The following LRRC57 variants were observed in gnomAD, a reference collection of about 807,000 sequenced individuals.
The protein encoded by LRRC57 is leucine-rich repeat-containing protein 57.
A neutral mutation model predicts 23.1 loss-of-function variants in LRRC57; 14 were observed. The observed-to-expected ratio is 0.61, with a 90% CI of 0.40 to 0.95. The LOEUF is 0.95. Among genes scored for constraint, LRRC57 ranks in the 40% least tolerant of loss-of-function variants. The pLI, the probability that LRRC57 is intolerant of heterozygous loss-of-function variation, is 0.00. For synonymous variants in LRRC57, 106 were observed against 115.2 expected (o/e 0.92, Z 0.51); for missense variants, 236 against 284.4 (o/e 0.83, Z 1.22).
At chr15:42,529,942 T>C in the LRRC57 span, 1 of 1,016,580 alleles carries the variant, frequency 9.8e-7, no homozygotes, top group East Asian at 2.5e-5. Flanking sequence ...AGGTCTTAAT[T>C]CTGATGAGGT....
At chr15:42,533,040 A>G (rs1160017688), downstream of LRRC57, 2 of 152,680 alleles carry the variant, frequency 1.3e-5, no homozygotes, top group African/African-American at 4.8e-5. Context: ...GATCCTTACA[A>G]TTAAATTTTT....
chr15:42,547,272 T>G lies in LRRC57; in HGVS notation c.481A>C (p.Asn161His), dbSNP rs1230580794. The part of the protein sequence containing the change: ...GELQVIELNL[N>H]QNQISQISVK... ...TTAAAGCTCTAGACCTGATTCTGGTTGAGGTTGAGTTCGATGACTTGCAGC... is the reference window on the plus strand; with the variant it reads ...TTAAAGCTCTAGACCTGATTCTGGTGGAGGTTGAGTTCGATGACTTGCAGC... The change falls in exon 4 of 6, where the codon AAC (asparagine) becomes CAC (histidine). Residue 161 changes from asparagine (N) to histidine (H), a missense_variant. By Grantham distance (68) the Asn-to-His change is moderately conservative (BLOSUM62 1). Coordinates refer to ENST00000397130, the MANE Select transcript of LRRC57 (RefSeq NM_153260.3). 1 of 1,613,908 alleles carries G rather than the reference T, an allele frequency of 6.2e-7. No homozygotes were observed. Among genetic ancestry groups the G allele is most frequent in the Non-Finnish European group, 8.5e-7 (1 of 1,179,966 alleles).
chr15:42,547,369 A>G lies in LRRC57; in HGVS notation c.384T>C (p.Cys128=), dbSNP rs1273754115. Residue 128 remains cysteine (C), a synonymous_variant, in exon 4 of 6, where the codon TGT becomes TGC. Coordinates refer to ENST00000397130, the MANE Select transcript of LRRC57 (RefSeq NM_153260.3). ...NQLGALPPQL[C]SLRHLDVMDL... is the part of the protein sequence containing the mutation. Reference sequence around the variant, plus strand: ...CCATCACATCCAGGTGCCGTAGGCTACAAAGTTGGGGAGGTAATGCTCCCA... The same window carrying G: ...CCATCACATCCAGGTGCCGTAGGCTGCAAAGTTGGGGAGGTAATGCTCCCA... 4 of 1,614,198 alleles carry G rather than the reference A, an allele frequency of 2.5e-6. No individual in the cohort carries two copies. The African/African-American group carries it at 5.3e-5, about 22-fold the overall frequency.
At chr15:42,537,233 T>TCACACACACA (rs71108166), downstream of LRRC57, among the ~76,000 whole-genome samples, 50 of 136,492 alleles carry the variant, frequency 3.7e-4, no homozygotes, top group African/African-American at 4.8e-4. Flanking sequence ...TCTCTCTCTC[T>TCACACACACA]CACACACACA....
rs543801186 is a variant in LRRC57 at position 42,542,745 on chromosome 15, A to C, written c.*1338T>G. 7.2e-5 allele frequency: 11 copies of C among 152,776 alleles called. No homozygotes were observed. In the East Asian group the frequency reaches 1.9e-3, roughly 27 times the overall value. 9.5% of individuals were successfully genotyped at this position (152,776 alleles called of 1,614,324 possible). On this transcript the variant is annotated 3_prime_UTR_variant, in exon 6 of 6. Transcript: ENST00000397130. ...GTCCCTTTTATCTTACAAGTGTTGC[A>C]TATACAGTTTTGGCTCTTCAGAGCC...
chr15:42,547,281 G>A lies in LRRC57; in HGVS notation c.472C>T (p.Leu158Phe), dbSNP rs993391955. The change falls in exon 4 of 6, where the codon CTC (leucine) becomes TTC (phenylalanine). Residue 158 changes from leucine to phenylalanine, a missense_variant. Transcript: ENST00000397130. The part of the protein sequence containing the change: ...DSVGELQVIE[L>F]NLNQNQISQI... ...TAGACCTGATTCTGGTTGAGGTTGAGTTCGATGACTTGCAGCTCTCCCACT... is the reference window on the plus strand; with the variant it reads ...TAGACCTGATTCTGGTTGAGGTTGAATTCGATGACTTGCAGCTCTCCCACT... 6.2e-7 allele frequency: 1 copy of A among 1,614,122 alleles called. No individual in the cohort carries two copies. The highest frequency in any genetic ancestry group is 1.1e-5 in the South Asian group (1 of 91,060).
intron 5 of LRRC57, among the ~76,000 whole-genome samples, chr15:42,544,815 T>TCTCACA (rs2057648386): frequency 1.5e-5 from 2 of 131,820 alleles, no homozygotes; most frequent in African/African-American, 6.9e-5. Flanking sequence ...AGACCCTGTC[T>TCTCACA]CACACACACA....
At chr15:42,547,205 AG>A in intron 4 of LRRC57, 55 bp downstream of exon 4, 2 of 1,562,920 alleles carry the variant, frequency 1.3e-6, no homozygotes, top group Non-Finnish European at 1.7e-6. Context: ...AACAGGTATC[AG>A]GAGACCTTAA....
downstream of LRRC57, among the ~76,000 whole-genome samples, chr15:42,536,390 G>A (rs2057600829): frequency 6.6e-6 from 1 of 152,190 alleles, no homozygotes; most frequent in African/African-American, 2.4e-5. Flanking sequence ...AAAGCACTTA[G>A]AACAGTTCCT....
chr15:42,532,470 ATTCAGGAACAC>A, the LRRC57 span: 1 of 152,280 alleles, frequency 6.6e-6, no homozygotes, highest in East Asian at 1.9e-4. Context: ...TTATTGCACC[ATTCAGGAACAC>A]TTTATATAAA....
At position 42,548,261 on chromosome 15, in the gene LRRC57, A is replaced by G. The variant is rs2057674127; in HGVS notation, c.85-17T>C. On this transcript the variant is annotated splice_polypyrimidine_tract_variant and intron_variant, in intron 2 of 5. Coordinates refer to ENST00000397130, the MANE Select transcript of LRRC57 (RefSeq NM_153260.3). ...TGCGGGGAACTGGAGAAAGGAGTTC[A>G]CAGCGTGGGGAATCCCGCACCGACT... 1.2e-6 allele frequency: 2 copies of G among 1,614,076 alleles called. No homozygotes were observed. The highest frequency in any genetic ancestry group is 2.7e-5 in the African/African-American group (2 of 74,936).
At chr15:42,535,509 G>A (rs998218663), downstream of LRRC57, among the ~76,000 whole-genome samples, 4 of 150,750 alleles carry the variant, frequency 2.7e-5, no homozygotes, top group African/African-American at 9.8e-5. Context: ...ACAATGGTGC[G>A]ATCTCAGCTC....
intron 1 of LRRC57, 86 bp downstream of exon 1, chr15:42,548,607 G>A (rs1157782610): frequency 7.5e-6 from 5 of 669,544 alleles, no homozygotes; most frequent in African/African-American, 3.6e-5. Flanking sequence ...CACACAGCCC[G>A]ACCACCAAGC....
chr15:42,547,763 C>G, intron 3 of LRRC57: 1 of 548,594 alleles, frequency 1.8e-6, no homozygotes, highest in East Asian at 3.0e-5. Flanking sequence ...GTAAAGGGGC[C>G]CAAGGCACAA....
the LRRC57 span, chr15:42,531,433 T>G: frequency 6.3e-7 from 1 of 1,593,402 alleles, no homozygotes; most frequent in Non-Finnish European, 8.5e-7. Flanking sequence ...ACAGAGATCG[T>G]ATTGATATTG....
At chr15:42,536,104 G>A (rs2057599572), downstream of LRRC57, among the ~76,000 whole-genome samples, 1 of 152,162 alleles carries the variant, frequency 6.6e-6, no homozygotes, top group Admixed American at 6.5e-5. Flanking sequence ...ATATTGGCAT[G>A]GTTTGTGGCA....
chr15:42,545,974 T>G (rs1220890511), intron 4 of LRRC57, among the ~76,000 whole-genome samples: 1 of 152,188 alleles, frequency 6.6e-6, no homozygotes, highest in Non-Finnish European at 1.5e-5. Flanking sequence ...CAACTTTCAG[T>G]AAGATATTTC....
At position 42,538,151 on chromosome 15, in the gene LRRC57, G is replaced by C. The variant is rs1287481765; in HGVS notation, c.*5932C>G. ...CTATGCATGTCTCAGAATATCACAA[G>C]TACCCCATAAATATGAACAAATATA... On this transcript the variant is annotated 3_prime_UTR_variant, in exon 6 of 6. Coordinates refer to ENST00000397130, the MANE Select transcript of LRRC57 (RefSeq NM_153260.3). 2.6e-5 allele frequency: 4 copies of C among 151,990 alleles called. No homozygotes were observed. The highest frequency in any genetic ancestry group is 4.4e-5 in the Non-Finnish European group (3 of 68,000). The allele number at this position is 151,990 out of a possible 1,614,324, so 9.4% of individuals were successfully genotyped here. A position where few individuals can be genotyped will look rare whatever the true frequency, so the allele number is the denominator to read the frequency against.
chr15:42,544,710 G>A (rs2057647642), intron 5 of LRRC57, among the ~76,000 whole-genome samples: 1 of 151,140 alleles, frequency 6.6e-6, no homozygotes, highest in Non-Finnish European at 1.5e-5. Flanking sequence ...GCTACTAGGG[G>A]GGCTGAGGGA....
Sources: allele counts gnomAD v4.1 joint callset (sites outside exome capture counted in the v4.1 genomes callset), GRCh38; gene constraint gnomAD v4.1.1; transcripts MANE v1.5; gene names NCBI Gene and HGNC (gene_info 2026-07-23, HGNC 2026-07-21).